The following ARHGEF28 variants were observed in gnomAD, a reference collection of about 807,000 sequenced individuals.
ARHGEF28 encodes Rho guanine nucleotide exchange factor 28.
In ARHGEF28, 152 loss-of-function variants were observed where a neutral mutation model predicts 206.6. That is an observed-to-expected ratio of 0.74 (90% confidence interval 0.64 to 0.84). The LOEUF (loss-of-function observed/expected upper bound fraction) is 0.84, where lower values mean the gene tolerates loss of function less well. ARHGEF28 is among the 40% of genes least tolerant of loss of function. ARHGEF28 has a pLI of 0.00. For missense variants in ARHGEF28, 2,028 were observed against 2,073.2 expected (o/e 0.98, Z 0.42); for synonymous variants, 763 against 776.4 (o/e 0.98, Z 0.29).
chr5:73,732,161 T>G (rs1176710256), intron 2 of ARHGEF28, among the ~76,000 whole-genome samples: 2 of 152,170 alleles, frequency 1.3e-5, no homozygotes, highest in East Asian at 3.8e-4. Context: ...TATCCACCTT[T>G]ATGGTATTAC....
intron 2 of ARHGEF28, among the ~76,000 whole-genome samples, chr5:73,708,339 C>T (rs1489658978): frequency 6.6e-6 from 1 of 152,078 alleles, no homozygotes; most frequent in African/African-American, 2.4e-5. Flanking sequence ...GTTTTTCAGC[C>T]ATTACCTCCC....
At chr5:73,817,700 A>G (rs1756310141) in intron 9 of ARHGEF28, among the ~76,000 whole-genome samples, 1 of 152,188 alleles carries the variant, frequency 6.6e-6, no homozygotes, top group Admixed American at 6.5e-5. Context: ...AGGCTCAGAG[A>G]GGAGAAATGA....
intron 1 of ARHGEF28, among the ~76,000 whole-genome samples, chr5:73,637,353 C>T (rs1225441261): frequency 6.6e-6 from 1 of 152,128 alleles, no homozygotes; most frequent in African/African-American, 2.4e-5. Context: ...GATTTTCCTT[C>T]TGTTTAGTCT....
At chr5:73,783,384 G>GTGTGTGTA (rs1307902262) in intron 7 of ARHGEF28, among the ~76,000 whole-genome samples, 1 of 74,318 alleles carries the variant, frequency 1.3e-5, no homozygotes. Flanking sequence ...GTGTGTGTGT[G>GTGTGTGTA]TATGTGTGTG....
At chr5:73,727,305 CT>C (rs1375554028) in intron 2 of ARHGEF28, among the ~76,000 whole-genome samples, 9 of 152,260 alleles carry the variant, frequency 5.9e-5, no homozygotes, top group Non-Finnish European at 1.3e-4. Flanking sequence ...AGTTTGTCTC[CT>C]TGCTTAGACC....
At chr5:73,890,177 C>T (rs1307897772) in intron 26 of ARHGEF28, among the ~76,000 whole-genome samples, 1 of 152,142 alleles carries the variant, frequency 6.6e-6, no homozygotes, top group Non-Finnish European at 1.5e-5. Context: ...TCCCATGCCC[C>T]CTGGTCTGAT....
intron 1 of ARHGEF28, among the ~76,000 whole-genome samples, chr5:73,668,800 C>T (rs1746130725): frequency 7.4e-6 from 1 of 135,696 alleles, no homozygotes; most frequent in Non-Finnish European, 1.6e-5. Context: ...TTTCAAGTGC[C>T]TGTGTGTCCA....
At chr5:73,679,566 CAAA>C (rs552307895) in intron 1 of ARHGEF28, among the ~76,000 whole-genome samples, 2 of 62,498 alleles carry the variant, frequency 3.2e-5, no homozygotes, top group Non-Finnish European at 6.8e-5. Flanking sequence ...GACTCTGTCT[CAAA>C]AAAAAAAAAA....
chr5:73,747,315 C>T (rs1048645331), intron 2 of ARHGEF28, among the ~76,000 whole-genome samples: 3 of 152,126 alleles, frequency 2.0e-5, no homozygotes, highest in South Asian at 2.1e-4. Context: ...TATATGAAAT[C>T]GGTGGCCTTT....
intron 13 of ARHGEF28, 185 bp downstream of exon 13, chr5:73,849,272 C>G: frequency 1.9e-6 from 1 of 538,828 alleles, no homozygotes; most frequent in Non-Finnish European, 3.2e-6. Context: ...TGATTTTGAT[C>G]AGATTTGATT....
intron 2 of ARHGEF28, among the ~76,000 whole-genome samples, chr5:73,732,015 CTTTTT>C (rs530373615): frequency 3.1e-5 from 4 of 130,590 alleles, no homozygotes; most frequent in African/African-American, 1.1e-4. Context: ...ATTTAGTGAA[CTTTTT>C]TTTTTTTTTT....
At chr5:73,776,782 TG>T (rs1561396495) in intron 6 of ARHGEF28, 86 bp downstream of exon 6, 1 of 1,322,688 alleles carries the variant, frequency 7.6e-7, no homozygotes, top group Non-Finnish European at 1.0e-6. Flanking sequence ...CAGTGTTTTT[TG>T]GGGGTAGGAC....
chr5:73,834,976 T>A (rs1194220968), intron 10 of ARHGEF28: 2 of 152,148 alleles, frequency 1.3e-5, no homozygotes, highest in African/African-American at 4.8e-5. Context: ...TGTATGCTAG[T>A]GAGATGACTG....
intron 16 of ARHGEF28, among the ~76,000 whole-genome samples, chr5:73,860,667 C>T (rs1406046370): frequency 6.6e-6 from 1 of 152,168 alleles, no homozygotes; most frequent in Non-Finnish European, 1.5e-5. Flanking sequence ...CTAGTTTCTT[C>T]CTTTCCAGGT....
chr5:73,643,800 G>A (rs951010273), intron 1 of ARHGEF28, among the ~76,000 whole-genome samples: 2 of 142,576 alleles, frequency 1.4e-5, no homozygotes, highest in African/African-American at 5.6e-5. Flanking sequence ...GGGAAAAAGG[G>A]TGAGGCCCTG....
intron 14 of ARHGEF28, 83 bp downstream of exon 14, chr5:73,852,775 C>G: frequency 7.0e-7 from 1 of 1,427,194 alleles, no homozygotes; most frequent in South Asian, 1.1e-5. Flanking sequence ...GCTATCTGTT[C>G]ACTAGTTCAT....
At position 73,663,604 on chromosome 5, in the gene ARHGEF28, A is replaced by G. The variant is rs76381453; in HGVS notation, c.-11-21237A>G. The stretch of plus-strand genomic sequence containing the variant: ...GCTCCGAGCATTGTGCATTACTATT[A>G]AACTATTTGTTTAGCTCTCAATTGT... On this transcript the variant is annotated intron_variant, in intron 1 of 35. Transcript: ENST00000513042. Among the ~76,000 whole-genome samples the G allele has an allele frequency of 3.7e-3, 564 of 152,306 alleles. 2 individuals carry two copies. The highest frequency in any genetic ancestry group is 5.3e-3 in the Non-Finnish European group (363 of 68,018).
At chr5:73,783,345 A>T (rs1382722148) in intron 7 of ARHGEF28, among the ~76,000 whole-genome samples, 1 of 145,812 alleles carries the variant, frequency 6.9e-6, no homozygotes, top group Admixed American at 6.8e-5. Context: ...CCTGGAATAT[A>T]GTGTGTGTGT....
At chr5:73,717,660 A>G (rs1405612656) in intron 2 of ARHGEF28, among the ~76,000 whole-genome samples, 1 of 152,186 alleles carries the variant, frequency 6.6e-6, no homozygotes, top group Non-Finnish European at 1.5e-5. Flanking sequence ...TGCCAACTGC[A>G]TGTCAGGTAT....
Sources: gnomAD v4.1 joint callset for allele counts (sites outside exome capture counted in the v4.1 genomes callset) on GRCh38, gnomAD v4.1.1 for gene constraint, MANE v1.5 for transcripts, NCBI Gene and HGNC (gene_info 2026-07-23, HGNC 2026-07-21) for gene names.